AFG1L: variants seen among roughly 807,000 people sequenced by gnomAD.
AFG1L encodes the protein AFG1-like ATPase.
Under a neutral mutation model 62.2 loss-of-function variants are expected in AFG1L, and 53 were observed. The ratio of observed to expected loss-of-function variants is 0.85; its 90% CI spans 0.68 to 1.07. The LOEUF is 1.07. Ranked by LOEUF, AFG1L falls within the 50% of genes least tolerant of loss-of-function variation. The pLI, the probability that AFG1L is intolerant of heterozygous loss-of-function variation, is 0.00. For missense variants in AFG1L, 555 were observed against 590.5 expected, an observed-to-expected ratio of 0.94 and a Z score of 0.62; for synonymous variants, 228 against 210.3, an observed-to-expected ratio of 1.08 and a Z score of -0.73.
chr6:108,386,232 C>G lies in AFG1L; in HGVS notation c.749-15764C>G, dbSNP rs900986749. ...ATCTCAGCACTTTGGGAGGCCAAGG[C>G]GGGTGGATCACCTGAGGTCAGAAGT... On this transcript the variant is annotated intron_variant, in intron 6 of 12. Coordinates refer to ENST00000368977, the MANE Select transcript of AFG1L (RefSeq NM_145315.5). Among the ~76,000 whole-genome samples, 10 of 152,228 alleles carry G rather than the reference C, an allele frequency of 6.6e-5. No homozygotes were observed. The East Asian group carries it at 1.9e-3, about 29-fold the overall frequency.
chr6:108,322,064 A>AT (rs910711255), intron 1 of AFG1L, among the ~76,000 whole-genome samples: 2 of 151,866 alleles, frequency 1.3e-5, no homozygotes, highest in African/African-American at 2.4e-5. Flanking sequence ...TTAAAAACAA[A>AT]TTTTTTTTAA....
chr6:108,488,429 A>G (rs1316221959), intron 10 of AFG1L, among the ~76,000 whole-genome samples: 1 of 152,104 alleles, frequency 6.6e-6, no homozygotes, highest in African/African-American at 2.4e-5. Flanking sequence ...GGAGGGTTGG[A>G]GATTCTGTTG....
intron 1 of AFG1L, among the ~76,000 whole-genome samples, chr6:108,308,414 G>C (rs1465683524): frequency 6.6e-6 from 1 of 152,204 alleles, no homozygotes; most frequent in African/African-American, 2.4e-5. Flanking sequence ...GCCCCTCAAA[G>C]TGTTGGGATT....
chr6:108,401,981 AT>A lies in AFG1L; in HGVS notation c.749-8del. On this transcript the variant is annotated splice_polypyrimidine_tract_variant and intron_variant, in intron 6 of 12. Transcript: ENST00000368977. ...TTAGGCTAAGCAAAAAACTAATATC[AT>A]TTTTTTCTTTCAGATCTCTATAAAA... 13 of 1,310,046 alleles carry A rather than the reference AT, an allele frequency of 9.9e-6. No homozygotes were observed. Among genetic ancestry groups the A allele is most frequent in the East Asian group, 2.5e-5 (1 of 40,442 alleles). 81.2% of individuals were successfully genotyped at this position (1,310,046 alleles called of 1,614,324 possible).
intron 10 of AFG1L, among the ~76,000 whole-genome samples, chr6:108,493,303 G>A (rs1773840891): frequency 2.6e-5 from 4 of 152,182 alleles, no homozygotes; most frequent in African/African-American, 9.7e-5. Context: ...ATCGTCTGGT[G>A]GTGAAGATAG....
intron 8 of AFG1L, among the ~76,000 whole-genome samples, chr6:108,475,867 A>G (rs1773085026): frequency 6.6e-6 from 1 of 152,338 alleles, no homozygotes; most frequent in Non-Finnish European, 1.5e-5. Context: ...AGCTTAATCT[A>G]AATAAAAGAT....
chr6:108,324,084 A>G (rs1777934853), intron 2 of AFG1L, 36 bp downstream of exon 2: 2 of 1,474,508 alleles, frequency 1.4e-6, no homozygotes, highest in East Asian at 4.6e-5. Context: ...TAAACAGTTA[A>G]AAGTGTAAGC....
At chr6:108,399,110 G>A (rs887642026) in intron 6 of AFG1L, among the ~76,000 whole-genome samples, 1 of 147,564 alleles carries the variant, frequency 6.8e-6, no homozygotes, top group African/African-American at 2.5e-5. Context: ...TTGTGTTTGT[G>A]CCCTCTTTAA....
At chr6:108,316,182 C>A (rs1363419335) in intron 1 of AFG1L, among the ~76,000 whole-genome samples, 4 of 150,944 alleles carry the variant, frequency 2.6e-5, no homozygotes, top group Non-Finnish European at 5.9e-5. Flanking sequence ...GAGATCGAGA[C>A]CATCCTGGCT....
chr6:108,297,334 C>T (rs1023317551), intron 1 of AFG1L, among the ~76,000 whole-genome samples: 1 of 152,216 alleles, frequency 6.6e-6, no homozygotes, highest in East Asian at 1.9e-4. Context: ...TCTCAAACTC[C>T]TGACCTCAGG....
At chr6:108,440,459 G>C (rs1449924556) in intron 7 of AFG1L, among the ~76,000 whole-genome samples, 1 of 152,072 alleles carries the variant, frequency 6.6e-6, no homozygotes, top group Non-Finnish European at 1.5e-5. Context: ...GTGAGCCACA[G>C]CACCTGGCCT....
chr6:108,445,476 C>T (rs890134560), intron 7 of AFG1L, among the ~76,000 whole-genome samples: 1 of 152,118 alleles, frequency 6.6e-6, no homozygotes, highest in Non-Finnish European at 1.5e-5. Context: ...TGGCTTTTGT[C>T]ATACCTTCCT....
chr6:108,511,089 C>CA (rs532017667), intron 11 of AFG1L, among the ~76,000 whole-genome samples: 3,632 of 73,822 alleles, frequency 0.049, 70 homozygotes, highest in African/African-American at 0.088. Context: ...CCCTATCTCT[C>CA]AAAAAAAAAA....
chr6:108,483,117 G>A (rs1304633418), intron 10 of AFG1L, among the ~76,000 whole-genome samples: 1 of 151,986 alleles, frequency 6.6e-6, no homozygotes, highest in Non-Finnish European at 1.5e-5. Context: ...ATGTAAAAAT[G>A]GATATGAGAA....
At chr6:108,313,220 A>G (rs1021028341) in intron 1 of AFG1L, among the ~76,000 whole-genome samples, 6 of 152,148 alleles carry the variant, frequency 3.9e-5, no homozygotes, top group Non-Finnish European at 8.8e-5. Context: ...TTCCACTATT[A>G]TAACATCCTG....
chr6:108,418,577 T>A (rs2114681686), intron 7 of AFG1L, among the ~76,000 whole-genome samples: 1 of 152,278 alleles, frequency 6.6e-6, no homozygotes, highest in East Asian at 1.9e-4. Flanking sequence ...GAAAGGGGCA[T>A]TCCAAGAGCT....
chr6:108,302,862 A>G (rs1777059845), intron 1 of AFG1L, among the ~76,000 whole-genome samples: 1 of 152,202 alleles, frequency 6.6e-6, no homozygotes, highest in Admixed American at 6.5e-5. Context: ...TCAGGTAGAG[A>G]GAAACAATTA....
chr6:108,396,040 G>GT (rs1013738199), intron 6 of AFG1L, among the ~76,000 whole-genome samples: 6 of 150,304 alleles, frequency 4.0e-5, no homozygotes, highest in South Asian at 2.1e-4. Flanking sequence ...TTTGTTTTTT[G>GT]TTTTTTTGTT....
Position 108,454,558 on chromosome 6 carries a change from T to C in AFG1L, c.890+7262T>C, listed in dbSNP as rs763133921. 2.0e-4 allele frequency among the ~76,000 whole-genome samples: 30 copies of C among 152,198 alleles called. 1 individual carries two copies. The highest frequency in any genetic ancestry group is 3.2e-4 in the Non-Finnish European group (22 of 68,024). Reference sequence around the variant, plus strand: ...AGGTACAATTACCAGGTGCAAACCCTAAGCCATGACTGAATGTTTATTGTC... The same window carrying C: ...AGGTACAATTACCAGGTGCAAACCCCAAGCCATGACTGAATGTTTATTGTC... On this transcript the variant is annotated intron_variant, in intron 8 of 12. Coordinates refer to ENST00000368977, the MANE Select transcript of AFG1L (RefSeq NM_145315.5).
Sources: allele counts gnomAD v4.1 joint callset (sites outside exome capture counted in the v4.1 genomes callset), GRCh38; gene constraint gnomAD v4.1.1; transcripts MANE v1.5; gene names NCBI Gene and HGNC (gene_info 2026-07-23, HGNC 2026-07-21).